LRRC72: variants seen among roughly 807,000 people sequenced by gnomAD.
LRRC72 encodes the protein leucine-rich repeat-containing protein 72.
In LRRC72, 41 loss-of-function variants were observed where a neutral mutation model predicts 35.8. That is an observed-to-expected ratio of 1.15 (90% CI 0.89 to 1.49). The LOEUF (loss-of-function observed/expected upper bound fraction) is 1.49, where lower values mean the gene tolerates loss of function less well. Ranked by LOEUF, LRRC72 falls within the 40% of genes most tolerant of loss-of-function variation. LRRC72 has a pLI of 0.00. For missense variants in LRRC72, 389 were observed against 330.7 expected (o/e 1.18, Z -1.37); for synonymous variants, 118 against 119.2 (o/e 0.99, Z 0.07).
intron 3 of LRRC72, among the ~76,000 whole-genome samples, chr7:16,547,106 G>A (rs2128336042): frequency 6.6e-6 from 1 of 152,224 alleles, no homozygotes; most frequent in African/African-American, 2.4e-5. Flanking sequence ...AGCCTCCACT[G>A]TGGCCTTAAC....
intron 3 of LRRC72, among the ~76,000 whole-genome samples, chr7:16,542,778 T>A (rs1782379348): frequency 6.6e-6 from 1 of 152,210 alleles, no homozygotes; most frequent in East Asian, 1.9e-4. Context: ...TTAGTAGCTA[T>A]CTTTTTTAGG....
At chr7:16,565,881 C>G (rs1466438751) in intron 5 of LRRC72, among the ~76,000 whole-genome samples, 1 of 152,218 alleles carries the variant, frequency 6.6e-6, no homozygotes, top group Non-Finnish European at 1.5e-5. Flanking sequence ...GTGTCTCTGC[C>G]TATCTTCACA....
At chr7:16,553,296 A>G (rs1010405724) in intron 3 of LRRC72, among the ~76,000 whole-genome samples, 3 of 152,168 alleles carry the variant, frequency 2.0e-5, no homozygotes, top group Non-Finnish European at 4.4e-5. Context: ...ATATCTGCCA[A>G]TCTTTGGTTT....
rs933048025 is a variant in LRRC72 at position 16,581,513 on chromosome 7, A to C, written c.*24A>C. ...AAGCCCTGGTATTTCTAGATATCTT[A>C]GTGGTTTTCAGTTGTATATTAAACT... On this transcript the variant is annotated 3_prime_UTR_variant, in exon 9 of 9. Transcript: ENST00000401542. The C allele has an allele frequency of 1.3e-6, 2 of 1,483,924 alleles. No homozygotes were observed. Among genetic ancestry groups the C allele is most frequent in the Admixed American group, 4.6e-5 (2 of 43,606 alleles). The allele number at this position is 1,483,924 out of a possible 1,614,324, so 91.9% of individuals were successfully genotyped here. A position where few individuals can be genotyped will look rare whatever the true frequency, so the allele number is the denominator to read the frequency against.
chr7:16,527,699 G>T (rs1016137962), intron 1 of LRRC72, among the ~76,000 whole-genome samples: 4 of 152,096 alleles, frequency 2.6e-5, no homozygotes, highest in African/African-American at 4.8e-5. Flanking sequence ...CTGCAAAGAT[G>T]GGGGGCTGCT....
At position 16,526,831 on chromosome 7, in the gene LRRC72, C is replaced by T. The variant is rs1411870847; in HGVS notation, c.-122C>T. On this transcript the variant is annotated 5_prime_UTR_variant, in exon 1 of 9. The change creates a new upstream start codon in the 5' untranslated region. Coordinates refer to ENST00000401542, the MANE Select transcript of LRRC72 (RefSeq NM_001195280.2). ...CCAGTGTGGACTGGCTTTTAGTCAA[C>T]GGGAATGCGGTAACTGTTGGTAACA... 2.6e-6 allele frequency: 2 copies of T among 775,828 alleles called. No homozygotes were observed. The highest frequency in any genetic ancestry group is 2.7e-5 in the East Asian group (1 of 36,826). 48.1% of individuals were successfully genotyped at this position (775,828 alleles called of 1,614,324 possible).
chr7:16,548,327 G>T (rs1782485465), intron 3 of LRRC72, among the ~76,000 whole-genome samples: 1 of 152,208 alleles, frequency 6.6e-6, no homozygotes, highest in African/African-American at 2.4e-5. Context: ...CACAAACAGG[G>T]CTGAAAACAC....
chr7:16,556,324 T>A (rs1782649922), intron 3 of LRRC72, among the ~76,000 whole-genome samples: 2 of 152,206 alleles, frequency 1.3e-5, no homozygotes, highest in South Asian at 4.1e-4. Context: ...ATGGTTCCTT[T>A]CCTTAAGGAA....
chr7:16,545,378 C>A (rs1008780056), intron 3 of LRRC72, among the ~76,000 whole-genome samples: 1 of 151,998 alleles, frequency 6.6e-6, no homozygotes, highest in Non-Finnish European at 1.5e-5. Context: ...TTTTAATGTG[C>A]GGTTATAAAT....
At chr7:16,578,688 G>C (rs1247695522) in intron 7 of LRRC72, among the ~76,000 whole-genome samples, 1 of 152,130 alleles carries the variant, frequency 6.6e-6, no homozygotes, top group Non-Finnish European at 1.5e-5. Context: ...ATAGTAATAA[G>C]AGGAAGTGGA....
chr7:16,561,098 A>G (rs1006552763), intron 5 of LRRC72, among the ~76,000 whole-genome samples: 1 of 152,050 alleles, frequency 6.6e-6, no homozygotes, highest in Non-Finnish European at 1.5e-5. Context: ...TTTATAATCT[A>G]TTCATTCATT....
At chr7:16,529,384 G>C (rs541770489) in intron 1 of LRRC72, among the ~76,000 whole-genome samples, 2 of 152,120 alleles carry the variant, frequency 1.3e-5, no homozygotes, top group Non-Finnish European at 2.9e-5. Flanking sequence ...CAGGCTAACA[G>C]TACAGGTGTA....
intron 5 of LRRC72, among the ~76,000 whole-genome samples, chr7:16,566,042 G>C (rs1215062089): frequency 6.6e-6 from 1 of 152,154 alleles, no homozygotes; most frequent in Non-Finnish European, 1.5e-5. Context: ...ATTTGTTGCA[G>C]ACTTGGGTCA....
intron 1 of LRRC72, among the ~76,000 whole-genome samples, chr7:16,527,781 G>C (rs1170581373): frequency 6.6e-6 from 1 of 152,124 alleles, no homozygotes; most frequent in Non-Finnish European, 1.5e-5. Flanking sequence ...TTGTGCCTGC[G>C]TGTTGCATGG....
chr7:16,548,028 T>C (rs933294213), intron 3 of LRRC72, among the ~76,000 whole-genome samples: 5 of 152,038 alleles, frequency 3.3e-5, no homozygotes, highest in Non-Finnish European at 7.4e-5. Context: ...AGCAAGCACT[T>C]CCTCCCCTCT....
intron 4 of LRRC72, among the ~76,000 whole-genome samples, chr7:16,558,098 C>A (rs976527451): frequency 6.6e-6 from 1 of 152,130 alleles, no homozygotes; most frequent in Non-Finnish European, 1.5e-5. Flanking sequence ...ATACAATTTA[C>A]AATCTATGAA....
chr7:16,563,559 T>C (rs1412303046), intron 5 of LRRC72, among the ~76,000 whole-genome samples: 1 of 152,188 alleles, frequency 6.6e-6, no homozygotes, highest in Admixed American at 6.5e-5. Flanking sequence ...AATGTGCCCA[T>C]ACATCATAGA....
rs76350099 is a variant in LRRC72 at position 16,559,662 on chromosome 7, A to G, written c.427+663A>G. The stretch of plus-strand genomic sequence containing the variant: ...TATAGGGACAGCAACACCGAGAGGT[A>G]ACTGTTTTTAAATAGATGAGTGTTG... On this transcript the variant is annotated intron_variant, in intron 5 of 8. Coordinates refer to ENST00000401542, the MANE Select transcript of LRRC72 (RefSeq NM_001195280.2). 1.4e-3 allele frequency among the ~76,000 whole-genome samples: 212 copies of G among 152,260 alleles called. 1 individual carries two copies. The highest frequency in any genetic ancestry group is 4.9e-3 in the African/African-American group (202 of 41,558).
At chr7:16,539,669 T>G (rs979757819) in intron 3 of LRRC72, among the ~76,000 whole-genome samples, 2 of 152,164 alleles carry the variant, frequency 1.3e-5, no homozygotes, top group African/African-American at 4.8e-5. Context: ...GCCCCGCTGC[T>G]CTGTGCAGCC....
Sources: allele counts gnomAD v4.1 joint callset (sites outside exome capture counted in the v4.1 genomes callset), GRCh38; gene constraint gnomAD v4.1.1; transcripts MANE v1.5; gene names NCBI Gene and HGNC (gene_info 2026-07-23, HGNC 2026-07-21).